Variants in NAV1 observed in about 807,000 individuals in gnomAD.
NAV1 encodes neuron navigator 1.
A neutral mutation model predicts 175.2 loss-of-function variants in NAV1; 18 were observed. The ratio of observed to expected loss-of-function variants is 0.10; its 90% CI spans 0.07 to 0.15. The LOEUF is 0.15. Ranked by LOEUF, NAV1 falls within the 10% of genes least tolerant of loss-of-function variation. The pLI is 1.00. For missense variants in NAV1, 1,731 were observed against 2,436.6 expected (o/e 0.71, Z 6.10); for synonymous variants, 897 against 978.7 (o/e 0.92, Z 1.56).
intron 1 of NAV1, among the ~76,000 whole-genome samples, chr1:201,552,754 C>T (rs1005371738): frequency 1.3e-5 from 2 of 152,138 alleles, no homozygotes; most frequent in African/African-American, 4.8e-5. Flanking sequence ...CTTGATCCAC[C>T]GAACGTACAC....
At chr1:201,783,612 G>A in exon 7 of NAV1, 2 of 1,614,188 alleles carry the variant, frequency 1.2e-6, no homozygotes, top group Non-Finnish European at 1.7e-6. Context: ...AACTCAGCCA[G>A]CTTCTCCCAG....
At chr1:201,618,055 G>A (rs548554701), upstream of NAV1, among the ~76,000 whole-genome samples, 1 of 152,242 alleles carries the variant, frequency 6.6e-6, no homozygotes, top group Non-Finnish European at 1.5e-5. Flanking sequence ...CTGTGCAAGA[G>A]GCCTTACCTT....
At chr1:201,671,389 C>T (rs750197090) in intron 1 of NAV1, among the ~76,000 whole-genome samples, 8 of 152,186 alleles carry the variant, frequency 5.3e-5, no homozygotes, top group Admixed American at 1.3e-4. Context: ...TGCTTCCTGC[C>T]CCACCCCACC....
chr1:201,798,695 C>CTTTTTTTTTTTTT (rs764483919), intron 15 of NAV1: 1 of 69,476 alleles, frequency 1.4e-5, no homozygotes, highest in Non-Finnish European at 2.4e-5. Context: ...TTTTCTCTCT[C>CTTTTTTTTTTTTT]TTTTTTTTTT....
At chr1:201,751,108 C>A (rs1272244701) in intron 3 of NAV1, among the ~76,000 whole-genome samples, 3 of 152,164 alleles carry the variant, frequency 2.0e-5, no homozygotes, top group Non-Finnish European at 2.9e-5. Flanking sequence ...AAAGTAATTT[C>A]CTAGCCAGTC....
chr1:201,780,972 C>A (rs746084853), intron 4 of NAV1, 40 bp from the exon 9 acceptor site: 3 of 1,550,500 alleles, frequency 1.9e-6, no homozygotes, highest in Non-Finnish European at 2.6e-6. Context: ...CTCCCATCTG[C>A]ATAGAAGTAT....
At chr1:201,579,460 A>G (rs1666785064) in intron 1 of NAV1, among the ~76,000 whole-genome samples, 1 of 152,058 alleles carries the variant, frequency 6.6e-6, no homozygotes, top group African/African-American at 2.4e-5. Flanking sequence ...GGTTCAAGCA[A>G]TTCTCATGCC....
At chr1:201,546,507 AAGAC>A (rs567239964) in intron 1 of NAV1, among the ~76,000 whole-genome samples, 90 of 152,318 alleles carry the variant, frequency 5.9e-4, no homozygotes, top group Admixed American at 1.4e-3. Flanking sequence ...GAGAAGGTGA[AAGAC>A]TGACTAGTAC....
intron 1 of NAV1, among the ~76,000 whole-genome samples, chr1:201,700,729 T>C (rs954136216): frequency 1.3e-4 from 20 of 152,068 alleles, no homozygotes; most frequent in Admixed American, 1.0e-3. Flanking sequence ...ATGTAGCACA[T>C]TGCCGGGCGC....
chr1:201,810,608 G>A lies in NAV1; in HGVS notation c.4647G>A (p.Leu1549=). The change falls in exon 24 of 30, where the codon CTG becomes CTA. Residue 1549 remains leucine, a synonymous_variant. Transcript: ENST00000367296. The surrounding 1 kb of genome is among the most constrained non-coding windows in gnomAD (Gnocchi z 6.0). ...TGCAGCACTACATAAGCCTCCTGCT[G>A]AAGCACCGGCGCCTCGTCCTCTCGG... 2 of 1,614,102 alleles carry A rather than the reference G, an allele frequency of 1.2e-6. No homozygotes were observed. Among genetic ancestry groups the A allele is most frequent in the Non-Finnish European group, 1.7e-6 (2 of 1,179,986 alleles).
chr1:201,821,529 C>CACAA, exon 30 of NAV1: 1 of 152,542 alleles, frequency 6.6e-6, no homozygotes, highest in East Asian at 1.9e-4. Flanking sequence ...CACACACACA[C>CACAA]ACACACACAC....
intron 3 of NAV1, among the ~76,000 whole-genome samples, chr1:201,763,926 T>G (rs1219301492): frequency 6.6e-6 from 1 of 152,224 alleles, no homozygotes; most frequent in Non-Finnish European, 1.5e-5. Flanking sequence ...ATATAGAGCC[T>G]GATTTCATCA....
chr1:201,691,296 C>T (rs2102417818), intron 1 of NAV1, among the ~76,000 whole-genome samples: 1 of 152,294 alleles, frequency 6.6e-6, no homozygotes, highest in East Asian at 1.9e-4. Context: ...AATAGAGGCA[C>T]CGTAGTATGC....
rs139857293 is a variant in NAV1, at chr1:201,660,768, C to A, written c.757+11343C>A. 2.6e-5 allele frequency among the ~76,000 whole-genome samples: 4 copies of A among 152,326 alleles called. No homozygotes were observed. The East Asian group carries it at 7.7e-4, about 29-fold the overall frequency. On this transcript the variant is annotated intron_variant, in intron 1 of 29. Coordinates refer to ENST00000367296, the Ensembl canonical transcript of NAV1. ...TCACACTGAGATATTAATCAAGGAT[C>A]ATATGCAAAATATTTGACAACCCTC...
intron 2 of NAV1, among the ~76,000 whole-genome samples, chr1:201,614,670 G>A (rs1238634242): frequency 6.6e-6 from 1 of 152,326 alleles, no homozygotes; most frequent in Middle Eastern, 3.4e-3. Context: ...GGGGCCTGGC[G>A]CTGGAATGAG....
intron 1 of NAV1, among the ~76,000 whole-genome samples, chr1:201,564,142 GAA>G (rs56681223): frequency 2.0e-5 from 3 of 151,146 alleles, no homozygotes; most frequent in African/African-American, 7.3e-5. Context: ...AGGGAGGGAG[GAA>G]GAAAGGAAGG....
intron 3 of NAV1, among the ~76,000 whole-genome samples, chr1:201,727,981 G>A (rs1025939153): frequency 2.6e-5 from 4 of 152,172 alleles, no homozygotes; most frequent in African/African-American, 9.7e-5. Flanking sequence ...TACAGGAACA[G>A]TGACTGCAGG....
At chr1:201,660,121 C>T (rs527386) in intron 1 of NAV1, among the ~76,000 whole-genome samples, 69,534 of 151,968 alleles carry the variant, frequency 0.46, 16,549 homozygotes, top group East Asian at 0.64. Context: ...AGCATGGCCT[C>T]CCTGTCATCC....
intron 3 of NAV1, among the ~76,000 whole-genome samples, chr1:201,727,747 A>G (rs960337021): frequency 6.6e-6 from 1 of 152,236 alleles, no homozygotes; most frequent in Non-Finnish European, 1.5e-5. Flanking sequence ...GCTGTGGGCA[A>G]CTGGGGCTTA....
Sources: allele counts gnomAD v4.1 joint callset (sites outside exome capture counted in the v4.1 genomes callset), GRCh38; gene constraint gnomAD v4.1.1; non-coding constraint Gnocchi (gnomAD v3.1); transcripts MANE v1.5; gene names NCBI Gene and HGNC (gene_info 2026-07-23, HGNC 2026-07-21).